PIEZO2: variants seen among roughly 807,000 people sequenced by gnomAD.
The protein encoded by PIEZO2 is piezo-type mechanosensitive ion channel component 2.
In PIEZO2, 172 loss-of-function variants were observed where a neutral mutation model predicts 337.3. That is an observed-to-expected ratio of 0.51 (90% CI 0.45 to 0.58). The LOEUF is 0.58. PIEZO2 is among the 20% of genes least tolerant of loss of function. The pLI is 0.00. For missense variants in PIEZO2, 3,028 were observed against 3,391.3 expected (o/e 0.89, Z 2.66); for synonymous variants, 1,251 against 1,228.5 (o/e 1.02, Z -0.38).
chr18:10,897,868 C>T (rs1432570979), intron 4 of PIEZO2, among the ~76,000 whole-genome samples: 2 of 152,206 alleles, frequency 1.3e-5, no homozygotes, highest in Non-Finnish European at 2.9e-5. Flanking sequence ...AAGTACGCTT[C>T]CTTTTATACA....
At chr18:10,774,120 A>G (rs1478586694) in intron 18 of PIEZO2, 82 bp from the exon 19 acceptor site, 2 of 694,844 alleles carry the variant, frequency 2.9e-6, no homozygotes, top group East Asian at 2.7e-5. Context: ...ATCACATATC[A>G]TGCTACATAT....
chr18:10,701,817 C>CT (rs1179530254), intron 43 of PIEZO2, 172 bp downstream of exon 43: 31 of 488,444 alleles, frequency 6.3e-5, no homozygotes, highest in African/African-American at 5.0e-4. Flanking sequence ...TGAACTTAAC[C>CT]TTTTTCTTTT....
chr18:10,725,943 T>A (rs1384915627), intron 36 of PIEZO2, among the ~76,000 whole-genome samples: 3 of 152,202 alleles, frequency 2.0e-5, no homozygotes, highest in Non-Finnish European at 4.4e-5. Context: ...TATCTGTCTG[T>A]CCCTCTTCAT....
chr18:10,774,052 T>C lies in PIEZO2; in HGVS notation c.2535-14A>G, dbSNP rs1280682675. The C allele has an allele frequency of 1.4e-6, 1 of 702,758 alleles. No homozygotes were observed. The highest frequency in any genetic ancestry group is 1.7e-5 in the African/African-American group (1 of 57,236). The allele number at this position is 702,758 out of a possible 1,614,324, so 43.5% of individuals were successfully genotyped here. Reference sequence around the variant, plus strand: ...TTTTTCTTGATGCTGCTCATAGTAATTGAAATAGAAAGGAAAAAAAGGAGA... The same window carrying C: ...TTTTTCTTGATGCTGCTCATAGTAACTGAAATAGAAAGGAAAAAAAGGAGA... On this transcript the variant is annotated splice_polypyrimidine_tract_variant and intron_variant, in intron 18 of 55. Transcript: ENST00000674853.
chr18:11,073,807 A>G (rs1210535902), intron 1 of PIEZO2, among the ~76,000 whole-genome samples: 1 of 151,834 alleles, frequency 6.6e-6, no homozygotes, highest in Non-Finnish European at 1.5e-5. Flanking sequence ...GCAATATGGC[A>G]CATTCAAGCT....
chr18:11,063,604 A>T (rs925065565), intron 2 of PIEZO2, among the ~76,000 whole-genome samples: 1 of 152,188 alleles, frequency 6.6e-6, no homozygotes, highest in Admixed American at 6.5e-5. Flanking sequence ...CCACGGAGCC[A>T]TGCTTACATG....
At position 10,714,893 on chromosome 18, in the gene PIEZO2, T is replaced by C. The variant is rs1056352154; in HGVS notation, c.5294A>G (p.Tyr1765Cys). The C allele has an allele frequency of 2.0e-6, 3 of 1,537,134 alleles. No homozygotes were observed. Among genetic ancestry groups the C allele is most frequent in the Admixed American group, 3.9e-5 (2 of 50,978 alleles). Residue 1765 changes from tyrosine (Y) to cysteine (C), a missense_variant, in exon 39 of 56, where the codon TAT becomes TGT. Tyr to Cys is a radical substitution (Grantham distance 194). Coordinates refer to ENST00000674853, the MANE Select transcript of PIEZO2 (RefSeq NM_001378183.1). ...VPTRESIHMY[Y>C]QNHIMNLSRE... The stretch of plus-strand genomic sequence containing the variant: ...GGAAAGGTTCATGATGTGGTTCTGA[T>C]AGTACATGTGGATGCTCTCCCGAGT...
At chr18:10,961,125 G>A (rs1323303852) in intron 3 of PIEZO2, among the ~76,000 whole-genome samples, 1 of 151,512 alleles carries the variant, frequency 6.6e-6, no homozygotes, top group African/African-American at 2.4e-5. Context: ...AGCTTGCAGT[G>A]AGCCAAGATC....
Position 11,094,037 on chromosome 18 carries a change from G to A in PIEZO2, c.65-27815C>T, listed in dbSNP as rs775783897. 6.6e-6 allele frequency among the ~76,000 whole-genome samples: 1 copy of A among 151,794 alleles called. No individual in the cohort carries two copies. Among genetic ancestry groups the A allele is most frequent in the Non-Finnish European group, 1.5e-5 (1 of 67,974 alleles). ...CTTGGGGCCCAGGCTGGAGTGCAGT[G>A]GTGCTACTGCGGCTCACTGCAACCT... On this transcript the variant is annotated intron_variant, in intron 1 of 55. Coordinates refer to ENST00000674853, the MANE Select transcript of PIEZO2 (RefSeq NM_001378183.1). This position sits in a 1 kb window ranked among gnomAD's most constrained non-coding sequence, Gnocchi z 4.4.
At position 11,132,264 on chromosome 18, in the gene PIEZO2, A is replaced by ATTGCCT. The variant is rs1376328741; in HGVS notation, c.64+16255_64+16260dup. Among the ~76,000 whole-genome samples the ATTGCCT allele has an allele frequency of 6.6e-6, 1 of 152,150 alleles. No homozygotes were observed. Among genetic ancestry groups the ATTGCCT allele is most frequent in the African/African-American group, 2.4e-5 (1 of 41,438 alleles). On this transcript the variant is annotated intron_variant, in intron 1 of 55. Coordinates refer to ENST00000674853, the MANE Select transcript of PIEZO2 (RefSeq NM_001378183.1). The surrounding 1 kb of genome is among the most constrained non-coding windows in gnomAD (Gnocchi z 4.7). ...CCACCAACATGGTATTCCACACCGC[A>ATTGCCT]TTGCCTCTGACCAAGGCACTCACTT...
chr18:11,049,856 T>C (rs760517876), intron 2 of PIEZO2, among the ~76,000 whole-genome samples: 6 of 152,208 alleles, frequency 3.9e-5, no homozygotes, highest in Non-Finnish European at 5.9e-5. Flanking sequence ...ATTACCCAGT[T>C]TCAGCTATGT....
intron 3 of PIEZO2, among the ~76,000 whole-genome samples, chr18:10,927,558 C>T (rs769739571): frequency 3.3e-5 from 5 of 152,168 alleles, no homozygotes; most frequent in African/African-American, 4.8e-5. Flanking sequence ...TGACTAATCT[C>T]TTGGCACAGC....
At chr18:10,736,477 T>C (rs989762745) in intron 34 of PIEZO2, 127 bp downstream of exon 34, 2 of 1,126,238 alleles carry the variant, frequency 1.8e-6, no homozygotes, top group African/African-American at 3.1e-5. Flanking sequence ...GAATTGCAGA[T>C]GTAAATCAGA....
rs2145967056 is a variant in PIEZO2, at chr18:11,077,310, A to G, written c.65-11088T>C. 6.6e-6 allele frequency among the ~76,000 whole-genome samples: 1 copy of G among 152,300 alleles called. No homozygotes were observed. The highest frequency in any genetic ancestry group is 2.4e-5 in the African/African-American group (1 of 41,574). On this transcript the variant is annotated intron_variant, in intron 1 of 55. Coordinates refer to ENST00000674853, the MANE Select transcript of PIEZO2 (RefSeq NM_001378183.1). The surrounding 1 kb of genome is among the most constrained non-coding windows in gnomAD (Gnocchi z 4.8). ...TCATCTATGGAAGTGAAGAGTTAGC[A>G]TTTGTAGACTGGAGGACTTGGTAGC...
rs1179189392 is a variant in PIEZO2, at chr18:10,794,936, T to C, written c.1594A>G (p.Met532Val). Residue 532 changes from methionine to valine, a missense_variant, in exon 13 of 56, where the codon ATG (methionine) becomes GTG (valine). Physicochemically the swap from Met to Val is conservative, Grantham distance 21 (BLOSUM62 1). Around this residue, in one of 5 missense-constraint regions of PIEZO2, gnomAD observed 50 missense variants for 88.2 expected, o/e 0.57. Coordinates refer to ENST00000674853, the MANE Select transcript of PIEZO2 (RefSeq NM_001378183.1). This position sits in a 1 kb window ranked among gnomAD's most constrained non-coding sequence, Gnocchi z 6.6. Reference sequence around the variant, plus strand: ...GCATATTTTCTTCTGTTGCGAATCATCCAAAGAGTGCACGACCAGATCAGC... The same window carrying C: ...GCATATTTTCTTCTGTTGCGAATCACCCAAAGAGTGCACGACCAGATCAGC... Reference protein sequence around the residue: ...VLLIWSCTLWMIRNRRKYAMI... With the variant: ...VLLIWSCTLWVIRNRRKYAMI... 1 of 1,545,712 alleles carries C rather than the reference T, an allele frequency of 6.5e-7. No homozygotes were observed. The highest frequency in any genetic ancestry group is 8.7e-7 in the Non-Finnish European group (1 of 1,146,980).
Position 11,092,319 on chromosome 18 carries a change from T to A in PIEZO2, c.65-26097A>T, listed in dbSNP as rs1248975878. ...ATTTGAAATTAGCTTGACAGAGTATTTGCCAAGAGATTGTTAAACATAATA... is the reference window on the plus strand; with the variant it reads ...ATTTGAAATTAGCTTGACAGAGTATATGCCAAGAGATTGTTAAACATAATA... On this transcript the variant is annotated intron_variant, in intron 1 of 55. Coordinates refer to ENST00000674853, the MANE Select transcript of PIEZO2 (RefSeq NM_001378183.1). The surrounding 1 kb of genome is among the most constrained non-coding windows in gnomAD (Gnocchi z 4.5). Among the ~76,000 whole-genome samples, 1 of 152,216 alleles carries A rather than the reference T, an allele frequency of 6.6e-6. No homozygotes were observed. The highest frequency in any genetic ancestry group is 2.4e-5 in the African/African-American group (1 of 41,456).
In PIEZO2 at chr18:11,101,961, G is replaced by A. The variant is rs2039433382; in HGVS notation, c.65-35739C>T. Among the ~76,000 whole-genome samples the A allele has an allele frequency of 6.6e-6, 1 of 152,150 alleles. No homozygotes were observed. The highest frequency in any genetic ancestry group is 2.4e-5 in the African/African-American group (1 of 41,426). On this transcript the variant is annotated intron_variant, in intron 1 of 55. Transcript: ENST00000674853. The surrounding 1 kb of genome is among the most constrained non-coding windows in gnomAD (Gnocchi z 4.4). ...ATGTTTAGTTTTTAAACCTCTGACT[G>A]TATATTCTGATGGACCAAAAAACAT...
At position 11,131,079 on chromosome 18, in the gene PIEZO2, C is replaced by G. The variant is rs1025983249; in HGVS notation, c.64+17446G>C. On this transcript the variant is annotated intron_variant, in intron 1 of 55. Transcript: ENST00000674853. The surrounding 1 kb of genome is among the most constrained non-coding windows in gnomAD (Gnocchi z 5.3). Reference sequence around the variant, plus strand: ...TTTTGGAGCAAGGCCCTGCCACCTTCTGCAGATAACTACTCTCCTTTTGAG... The same window carrying G: ...TTTTGGAGCAAGGCCCTGCCACCTTGTGCAGATAACTACTCTCCTTTTGAG... Among the ~76,000 whole-genome samples the G allele has an allele frequency of 2.0e-5, 3 of 152,206 alleles. No homozygotes were observed. Among genetic ancestry groups the G allele is most frequent in the African/African-American group, 7.2e-5 (3 of 41,456 alleles).
chr18:10,904,151 G>A (rs2043117864), intron 4 of PIEZO2, among the ~76,000 whole-genome samples: 1 of 152,196 alleles, frequency 6.6e-6, no homozygotes, highest in Non-Finnish European at 1.5e-5. Context: ...GAGGAGATAT[G>A]TATAAACATA....
Sources: allele counts gnomAD v4.1 joint callset (sites outside exome capture counted in the v4.1 genomes callset), GRCh38; gene constraint gnomAD v4.1.1; regional missense constraint gnomAD v4.1.1; non-coding constraint Gnocchi (gnomAD v3.1); transcripts MANE v1.5; gene names NCBI Gene and HGNC (gene_info 2026-07-23, HGNC 2026-07-21).